KIAA0825: variants seen among roughly 807,000 people sequenced by gnomAD.
The protein encoded by KIAA0825 is KIAA0825, also known as uncharacterized protein KIAA0825.
In KIAA0825, 119 loss-of-function variants were observed where a neutral mutation model predicts 147.6. The observed-to-expected ratio is 0.81, with a 90% confidence interval of 0.69 to 0.94. The LOEUF (loss-of-function observed/expected upper bound fraction) is 0.94. Among genes scored for constraint, KIAA0825 ranks in the 40% least tolerant of loss-of-function variants. The pLI, the probability that KIAA0825 is intolerant of heterozygous loss-of-function variation, is 0.00. For synonymous variants in KIAA0825, 470 were observed against 518.1 expected (o/e 0.91, Z 1.26); for missense variants, 1,381 against 1,472.7 (o/e 0.94, Z 1.02).
intron 2 of KIAA0825, 49 bp downstream of exon 2, chr5:94,582,384 A>G (rs961699635): frequency 7.2e-5 from 11 of 152,214 alleles, no homozygotes; most frequent in African/African-American, 2.7e-4. Context: ...AAGGAAACTG[A>G]GTAGGCATAG....
Position 94,403,693 on chromosome 5 carries a change from C to A in KIAA0825, c.2763G>T (p.Met921Ile). 6.4e-7 allele frequency: 1 copy of A among 1,551,572 alleles called. No homozygotes were observed. Among genetic ancestry groups the A allele is most frequent in the South Asian group, 1.2e-5 (1 of 84,038 alleles). The change falls in exon 16 of 21, where the codon ATG becomes ATT. Residue 921 changes from methionine (M) to isoleucine (I), a missense_variant. By Grantham distance (10) the Met-to-Ile change is conservative. Coordinates refer to ENST00000682413, the MANE Select transcript of KIAA0825 (RefSeq NM_001145678.3). ...TTGTCTCACAGTTTCTCCTAGAACT[C>A]ATTACAGATACTATCTGCTGTACAG... is the stretch of plus-strand genomic sequence containing the variant. Reference protein sequence around the residue: ...KDTVQQIVSVMSSRRNCETNL... With the variant: ...KDTVQQIVSVISSRRNCETNL...
chr5:94,346,718 T>A (rs1428038634), intron 20 of KIAA0825, among the ~76,000 whole-genome samples: 6 of 152,154 alleles, frequency 3.9e-5, no homozygotes, highest in Non-Finnish European at 5.9e-5. Flanking sequence ...ACCACAGGGA[T>A]CCAACGGGAG....
intron 20 of KIAA0825, among the ~76,000 whole-genome samples, chr5:94,292,159 T>G (rs992079993): frequency 6.6e-6 from 1 of 152,178 alleles, no homozygotes; most frequent in Non-Finnish European, 1.5e-5. Context: ...ACAGGAGTGG[T>G]GAGAGAGGGC....
At chr5:94,494,161 T>A (rs568395498) in intron 5 of KIAA0825, among the ~76,000 whole-genome samples, 1 of 152,258 alleles carries the variant, frequency 6.6e-6, no homozygotes, top group South Asian at 2.1e-4. Context: ...CCACTGGATG[T>A]TACCTAAACT....
At chr5:94,459,381 T>C (rs1325277044) in intron 12 of KIAA0825, among the ~76,000 whole-genome samples, 2 of 152,142 alleles carry the variant, frequency 1.3e-5, no homozygotes, top group African/African-American at 2.4e-5. Context: ...CAACATTTCA[T>C]ATAAGCATAT....
chr5:94,435,438 C>A (rs1360731819), intron 14 of KIAA0825, among the ~76,000 whole-genome samples: 2 of 152,004 alleles, frequency 1.3e-5, no homozygotes, highest in Non-Finnish European at 2.9e-5. Flanking sequence ...CATGTCCCTG[C>A]AAAAGACATG....
At chr5:94,261,929 A>T (rs571496266) in intron 20 of KIAA0825, among the ~76,000 whole-genome samples, 7 of 152,264 alleles carry the variant, frequency 4.6e-5, no homozygotes, top group Admixed American at 2.0e-4. Context: ...TTACAGTAGG[A>T]CAGATCCTTC....
intron 20 of KIAA0825, among the ~76,000 whole-genome samples, chr5:94,245,152 G>A (rs1245810940): frequency 1.3e-5 from 2 of 152,156 alleles, no homozygotes; most frequent in African/African-American, 4.8e-5. Flanking sequence ...AAAATGCAAG[G>A]GAGTGGAGCT....
chr5:94,157,086 A>G (rs936235660), intron 20 of KIAA0825, among the ~76,000 whole-genome samples: 1 of 152,222 alleles, frequency 6.6e-6, no homozygotes, highest in African/African-American at 2.4e-5. Context: ...TTCCCCTAAT[A>G]TATTTAATAT....
chr5:94,403,436 CG>C, intron 16 of KIAA0825, 132 bp downstream of exon 16: 1 of 639,396 alleles, frequency 1.6e-6, no homozygotes, highest in Non-Finnish European at 2.7e-6. Context: ...AAATAAGGGT[CG>C]CACATCTACT....
chr5:94,536,086 C>T (rs947615566), intron 3 of KIAA0825, among the ~76,000 whole-genome samples: 2 of 152,082 alleles, frequency 1.3e-5, no homozygotes, highest in African/African-American at 4.8e-5. Flanking sequence ...TTCTCTACTA[C>T]CTTCATGGAG....
chr5:94,432,079 A>G (rs1187663154), intron 14 of KIAA0825, among the ~76,000 whole-genome samples: 1 of 152,252 alleles, frequency 6.6e-6, no homozygotes, highest in African/African-American at 2.4e-5. Context: ...ATAATAGTTC[A>G]TAATAATTCT....
At chr5:94,569,910 T>C (rs1277576265) in intron 2 of KIAA0825, 1 of 156,246 alleles carries the variant, frequency 6.4e-6, no homozygotes, top group Non-Finnish European at 1.4e-5. Context: ...TTCACAACCA[T>C]AGCAACAGCC....
chr5:94,508,740 G>C (rs1287323807), intron 5 of KIAA0825, among the ~76,000 whole-genome samples: 1 of 152,096 alleles, frequency 6.6e-6, no homozygotes, highest in East Asian at 1.9e-4. Context: ...TGCACTTATT[G>C]CCACTTCATT....
intron 20 of KIAA0825, among the ~76,000 whole-genome samples, chr5:94,380,100 G>A (rs10079407): frequency 0.13 from 19,601 of 151,822 alleles, 1,428 homozygotes; most frequent in African/African-American, 0.2. Flanking sequence ...TGATCCACCC[G>A]CCTCAGCCTC....
chr5:94,537,929 C>T (rs2151345490), intron 2 of KIAA0825, among the ~76,000 whole-genome samples: 1 of 152,258 alleles, frequency 6.6e-6, no homozygotes, highest in Non-Finnish European at 1.5e-5. Context: ...CTCTAGCACC[C>T]CTTGACAACC....
At chr5:94,511,485 TG>T (rs1766465207) in intron 5 of KIAA0825, among the ~76,000 whole-genome samples, 1 of 152,064 alleles carries the variant, frequency 6.6e-6, no homozygotes, top group African/African-American at 2.4e-5. Context: ...CTGGACGTGG[TG>T]GCACATGCCT....
chr5:94,541,626 G>T (rs559006156), intron 2 of KIAA0825, among the ~76,000 whole-genome samples: 1 of 152,312 alleles, frequency 6.6e-6, no homozygotes, highest in African/African-American at 2.4e-5. Flanking sequence ...AGTACAACAG[G>T]TTTTCCTTAG....
intron 5 of KIAA0825, among the ~76,000 whole-genome samples, chr5:94,510,302 T>C (rs1182592381): frequency 6.6e-6 from 1 of 152,254 alleles, no homozygotes; most frequent in Non-Finnish European, 1.5e-5. Flanking sequence ...ACTGGCATCA[T>C]AATTTCAAAA....
Sources: gnomAD v4.1 joint callset for allele counts (sites outside exome capture counted in the v4.1 genomes callset) on GRCh38, gnomAD v4.1.1 for gene constraint, MANE v1.5 for transcripts, NCBI Gene and HGNC (gene_info 2026-07-23, HGNC 2026-07-21) for gene names.